Variants in RASSF5 observed in about 807,000 individuals in gnomAD.
RASSF5 encodes the protein Ras association domain family member 5.
RASSF5 carries 25 observed loss-of-function variants against 40.5 expected under a neutral mutation model. That is an observed-to-expected ratio of 0.62 (90% CI 0.45 to 0.86). RASSF5 has a LOEUF of 0.86. RASSF5 is among the 40% of genes least tolerant of loss of function. The pLI is 0.00. For missense variants in RASSF5, 521 were observed against 572.8 expected (o/e 0.91, Z 0.92); for synonymous variants, 246 against 252.4 (o/e 0.97, Z 0.24).
At chr1:206,570,570 C>G (rs993660960) in intron 2 of RASSF5, among the ~76,000 whole-genome samples, 10 of 114,732 alleles carry the variant, frequency 8.7e-5, no homozygotes, top group Non-Finnish European at 1.5e-4. Context: ...CCCCTCCCCC[C>G]ACCCCTGGCA....
chr1:206,541,449 C>T (rs1219538700), intron 2 of RASSF5, among the ~76,000 whole-genome samples: 1 of 152,162 alleles, frequency 6.6e-6, no homozygotes, highest in East Asian at 1.9e-4. Flanking sequence ...CAGGAATGAG[C>T]TCAGAATCCC....
At chr1:206,514,338 G>A (rs1666696664) in intron 1 of RASSF5, among the ~76,000 whole-genome samples, 1 of 152,202 alleles carries the variant, frequency 6.6e-6, no homozygotes, top group Non-Finnish European at 1.5e-5. Context: ...TACTGCCCTG[G>A]CCCCATTTGA....
In RASSF5 at chr1:206,508,755, C is replaced by G. The variant is rs1666535051; in HGVS notation, c.457+696C>G. On this transcript the variant is annotated intron_variant, in intron 1 of 5. Transcript: ENST00000579436. ...CCCTTCCTCCTCCTGGGTTCCTGCC[C>G]TAGTCGTCATGCTCTAACATTACTC... 2.0e-5 allele frequency among the ~76,000 whole-genome samples: 3 copies of G among 152,112 alleles called. No individual in the cohort carries two copies. The East Asian group carries it at 5.8e-4, about 29-fold the overall frequency.
intron 1 of RASSF5, among the ~76,000 whole-genome samples, chr1:206,536,662 A>G (rs1326461522): frequency 2.6e-5 from 4 of 152,126 alleles, no homozygotes; most frequent in African/African-American, 9.7e-5. Flanking sequence ...AATGTACTGA[A>G]TTTTTGGAGC....
At chr1:206,525,483 A>G (rs567280157) in intron 1 of RASSF5, among the ~76,000 whole-genome samples, 1 of 152,266 alleles carries the variant, frequency 6.6e-6, no homozygotes, top group African/African-American at 2.4e-5. Flanking sequence ...ATCATAGCTC[A>G]TTACAAGCTT....
chr1:206,569,230 G>T (rs1382756451), intron 2 of RASSF5, among the ~76,000 whole-genome samples: 3 of 152,222 alleles, frequency 2.0e-5, no homozygotes, highest in Non-Finnish European at 4.4e-5. Context: ...CCCCAGTGGG[G>T]TACAGAAGCC....
At chr1:206,523,397 T>G (rs1666960004) in intron 1 of RASSF5, among the ~76,000 whole-genome samples, 1 of 105,286 alleles carries the variant, frequency 9.5e-6, no homozygotes, top group Non-Finnish European at 1.9e-5. Flanking sequence ...AAATTTAATA[T>G]AAATATAAAT....
intron 1 of RASSF5, among the ~76,000 whole-genome samples, chr1:206,532,988 A>T (rs1156823616): frequency 6.6e-6 from 1 of 152,066 alleles, no homozygotes; most frequent in Non-Finnish European, 1.5e-5. Context: ...GTGTGTGTGC[A>T]TTTGGCAACT....
chr1:206,548,875 T>C (rs1169516236), intron 2 of RASSF5, among the ~76,000 whole-genome samples: 1 of 152,124 alleles, frequency 6.6e-6, no homozygotes, highest in African/African-American at 2.4e-5. Flanking sequence ...TTTTGTTTTA[T>C]TTTGTTTTGA....
intron 1 of RASSF5, among the ~76,000 whole-genome samples, chr1:206,533,561 G>C (rs1667301025): frequency 6.6e-6 from 1 of 152,048 alleles, no homozygotes; most frequent in Non-Finnish European, 1.5e-5. Context: ...TTTGATACCA[G>C]CCTGGGCAAC....
chr1:206,559,115 G>A (rs1461168758), intron 2 of RASSF5, among the ~76,000 whole-genome samples: 1 of 152,222 alleles, frequency 6.6e-6, no homozygotes, highest in Non-Finnish European at 1.5e-5. Flanking sequence ...TAAATGGCCT[G>A]GGGTACAGCC....
chr1:206,529,285 A>C, intron 1 of RASSF5: 2 of 880,974 alleles, frequency 2.3e-6, no homozygotes, highest in South Asian at 2.8e-5. Context: ...GGCAAAGGGG[A>C]CGTCCCCACT....
At position 206,579,522 on chromosome 1, in the gene RASSF5, T is replaced by C. The variant is rs1430751541; in HGVS notation, c.580-3747T>C. 3.9e-5 allele frequency among the ~76,000 whole-genome samples: 6 copies of C among 152,148 alleles called. No homozygotes were observed. The highest frequency in any genetic ancestry group is 3.9e-4 in the Admixed American group (6 of 15,278). ...CAGATAGTGCCTGTTAGGTAAACCT[T>C]TGGGGTGTTTGTGTGTTTCTTGGCA... On this transcript the variant is annotated intron_variant, in intron 2 of 5. Transcript: ENST00000579436. This position sits in a 1 kb window ranked among gnomAD's most constrained non-coding sequence, Gnocchi z 4.2.
At chr1:206,564,225 C>T (rs1165266311) in intron 2 of RASSF5, among the ~76,000 whole-genome samples, 1 of 152,120 alleles carries the variant, frequency 6.6e-6, no homozygotes, top group Admixed American at 6.5e-5. Context: ...GCCAAGTTCT[C>T]TAAACCATAA....
Position 206,584,297 on chromosome 1 carries a change from T to C in RASSF5, c.691-90T>C, listed in dbSNP as rs1312269138. On this transcript the variant is annotated intron_variant, in intron 3 of 5. Coordinates refer to ENST00000579436, the MANE Select transcript of RASSF5 (RefSeq NM_182663.4). This position sits in a 1 kb window ranked among gnomAD's most constrained non-coding sequence, Gnocchi z 4.9. ...GCAGGAAAGAACTCAAGGAGACAGG[T>C]GGGTGCTGCTGGGGCAATGGCCCCG... 7.9e-7 allele frequency: 1 copy of C among 1,269,228 alleles called. No individual in the cohort carries two copies. Among genetic ancestry groups the C allele is most frequent in the Non-Finnish European group, 1.1e-6 (1 of 918,690 alleles). The allele number at this position is 1,269,228 out of a possible 1,614,324, so 78.6% of individuals were successfully genotyped here.
At chr1:206,551,282 A>G (rs1270798485) in intron 2 of RASSF5, among the ~76,000 whole-genome samples, 2 of 152,122 alleles carry the variant, frequency 1.3e-5, no homozygotes, top group Non-Finnish European at 2.9e-5. Context: ...TAAGAAGCTA[A>G]TGGCTGCTCC....
At position 206,560,975 on chromosome 1, in the gene RASSF5, T is replaced by A. The variant is rs1274718386; in HGVS notation, c.580-22294T>A. 6.6e-6 allele frequency among the ~76,000 whole-genome samples: 1 copy of A among 152,224 alleles called. No homozygotes were observed. The highest frequency in any genetic ancestry group is 2.4e-5 in the African/African-American group (1 of 41,446). On this transcript the variant is annotated intron_variant, in intron 2 of 5. Transcript: ENST00000579436. The surrounding 1 kb of genome is among the most constrained non-coding windows in gnomAD (Gnocchi z 5.1). ...ATCTGACCCTGGAAGTGGGGCCAGCTTCCATTCTTATCAATTTCCCAAATG... is the reference window on the plus strand; with the variant it reads ...ATCTGACCCTGGAAGTGGGGCCAGCATCCATTCTTATCAATTTCCCAAATG...
Position 206,584,529 on chromosome 1 carries a change from C to T in RASSF5, c.833C>T (p.Thr278Ile). The change falls in exon 4 of 6, where the codon ACA (threonine) becomes ATA (isoleucine). Residue 278 changes from threonine to isoleucine, a missense_variant. Thr to Ile is a moderately conservative substitution (Grantham distance 89). This residue lies in a region of RASSF5 where 284 missense variants were observed against 360.8 expected (regional missense o/e 0.79). Coordinates refer to ENST00000579436, the MANE Select transcript of RASSF5 (RefSeq NM_182663.4). This position sits in a 1 kb window ranked among gnomAD's most constrained non-coding sequence, Gnocchi z 4.9. Reference protein sequence around the residue: ...VNLAATTDKRTSFYLPLDAIK... With the variant: ...VNLAATTDKRISFYLPLDAIK... Reference sequence around the variant, plus strand: ...CTGGCGGCTACCACGGACAAGCGGACATCCTTCTACCTGCCCCTAGATGCC... The same window carrying T: ...CTGGCGGCTACCACGGACAAGCGGATATCCTTCTACCTGCCCCTAGATGCC... 6.2e-7 allele frequency: 1 copy of T among 1,614,178 alleles called. No homozygotes were observed. Among genetic ancestry groups the T allele is most frequent in the South Asian group, 1.1e-5 (1 of 91,082 alleles).
intron 1 of RASSF5, among the ~76,000 whole-genome samples, chr1:206,526,021 C>T (rs1013779036): frequency 6.6e-6 from 1 of 152,154 alleles, no homozygotes; most frequent in Non-Finnish European, 1.5e-5. Flanking sequence ...CTTGGAGGAA[C>T]CTGCTTCCAT....
Sources: gnomAD v4.1 joint callset for allele counts (sites outside exome capture counted in the v4.1 genomes callset) on GRCh38, gnomAD v4.1.1 for gene constraint, gnomAD v4.1.1 regional missense constraint, Gnocchi (gnomAD v3.1) non-coding constraint, MANE v1.5 for transcripts, NCBI Gene and HGNC (gene_info 2026-07-23, HGNC 2026-07-21) for gene names.